The following ZEB1 variants were observed in gnomAD, a reference collection of about 807,000 sequenced individuals.
The protein encoded by ZEB1 is zinc finger E-box binding homeobox 1.
ZEB1 carries 21 observed loss-of-function variants against 84.9 expected under a neutral mutation model. The ratio of observed to expected loss-of-function variants is 0.25; its 90% CI spans 0.18 to 0.36. The LOEUF is 0.36. Among genes scored for constraint, ZEB1 ranks in the 10% least tolerant of loss-of-function variants. ZEB1 has a pLI of 1.00. For synonymous variants in ZEB1, 420 were observed against 471.1 expected, an observed-to-expected ratio of 0.89 and a Z score of 1.41; for missense variants, 1,104 against 1,330.2, an observed-to-expected ratio of 0.83 and a Z score of 2.65.
chr10:31,431,928 G>A (rs148816024), intron 1 of ZEB1, among the ~76,000 whole-genome samples: 36 of 152,280 alleles, frequency 2.4e-4, no homozygotes, highest in African/African-American at 8.4e-4. Context: ...TTTTAAACAC[G>A]TAAGAACAGA....
intron 2 of ZEB1, among the ~76,000 whole-genome samples, chr10:31,469,797 A>G (rs1433367404): frequency 1.3e-5 from 2 of 152,222 alleles, no homozygotes; most frequent in Admixed American, 6.5e-5. Context: ...TAACCTCTGC[A>G]GACTTAAATG....
chr10:31,328,060 A>G (rs903595655), intron 1 of ZEB1, among the ~76,000 whole-genome samples: 4 of 152,114 alleles, frequency 2.6e-5, no homozygotes, highest in African/African-American at 9.7e-5. Context: ...TGACTTTGGT[A>G]CAGGAATCCT....
chr10:31,327,099 C>CTTTTTTTTTTTTTTTTT (rs71527629), intron 1 of ZEB1, among the ~76,000 whole-genome samples: 43 of 84,922 alleles, frequency 5.1e-4, no homozygotes, highest in East Asian at 3.0e-3. Flanking sequence ...CTTTTCTTTT[C>CTTTTTTTTTTTTTTTTT]TTTTTTTTTT....
intron 7 of ZEB1, 25 bp downstream of exon 7, chr10:31,521,961 C>T: frequency 1.2e-6 from 2 of 1,613,900 alleles, no homozygotes; most frequent in Non-Finnish European, 8.5e-7. Flanking sequence ...CCATCCTGAA[C>T]CTGGCTAGTA....
chr10:31,370,544 A>G (rs1481675302), intron 1 of ZEB1, among the ~76,000 whole-genome samples: 1 of 152,234 alleles, frequency 6.6e-6, no homozygotes, highest in Non-Finnish European at 1.5e-5. Flanking sequence ...TATGTCTTAA[A>G]GCTAATAGTA....
At chr10:31,459,075 C>G (rs1441327429) in intron 1 of ZEB1, among the ~76,000 whole-genome samples, 1 of 151,942 alleles carries the variant, frequency 6.6e-6, no homozygotes, top group African/African-American at 2.4e-5. Context: ...TAACATGAAG[C>G]CTATGTTTTA....
chr10:31,440,149 G>A (rs1443535688), intron 1 of ZEB1, among the ~76,000 whole-genome samples: 1 of 152,096 alleles, frequency 6.6e-6, no homozygotes, highest in Non-Finnish European at 1.5e-5. Context: ...AAAAAGAGGA[G>A]TCAAAACTAT....
chr10:31,455,755 A>G (rs1206872541), intron 1 of ZEB1, among the ~76,000 whole-genome samples: 2 of 152,146 alleles, frequency 1.3e-5, no homozygotes, highest in African/African-American at 2.4e-5. Context: ...AAGTCAGGAA[A>G]CAACAGGTGC....
At chr10:31,384,884 T>A (rs1231402040) in intron 1 of ZEB1, among the ~76,000 whole-genome samples, 1 of 152,204 alleles carries the variant, frequency 6.6e-6, no homozygotes, top group Non-Finnish European at 1.5e-5. Flanking sequence ...GATTTCCAAC[T>A]TTGGGTTGGT....
intron 3 of ZEB1, among the ~76,000 whole-genome samples, chr10:31,496,639 G>C (rs953439291): frequency 1.3e-5 from 2 of 151,958 alleles, no homozygotes; most frequent in Admixed American, 1.3e-4. Flanking sequence ...ATACTTAAAC[G>C]TAGTGTAATT....
chr10:31,521,110 T>C lies in ZEB1; in HGVS notation c.1778T>C (p.Leu593Pro), dbSNP rs375798509. 1.9e-5 allele frequency: 30 copies of C among 1,613,962 alleles called. No individual in the cohort carries two copies. In the African/African-American group the frequency reaches 3.2e-4, roughly 17 times the overall value. Reference protein sequence around the residue: ...LSPSQPPLKNLLSLLKAYYAL... With the variant: ...LSPSQPPLKNPLSLLKAYYAL... ...CCTAGTCAGCCACCTTTAAAGAACC[T>C]CTTGTCTCTCCTAAAAGCATATTAT... The change falls in exon 7 of 9, where the codon CTC becomes CCC. Residue 593 changes from leucine to proline, a missense_variant. Leu to Pro is a moderately conservative substitution (Grantham distance 98). Around this residue, in one of 7 missense-constraint regions of ZEB1, gnomAD observed 531 missense variants for 575.2 expected, o/e 0.92. Transcript: ENST00000424869.
rs1361082238 is a variant in ZEB1, at chr10:31,458,319, GTGTGTGTGTGTGTGTGT to G, written c.59-2700_59-2684del. Among the ~76,000 whole-genome samples, 736 of 123,396 alleles carry G rather than the reference GTGTGTGTGTGTGTGTGT, an allele frequency of 6.0e-3. 6 individuals carry two copies. Among genetic ancestry groups the G allele is most frequent in the African/African-American group, 0.041 (666 of 16,300 alleles). The allele number at this position is 123,396 out of a possible 152,430, so 81.0% of individuals were successfully genotyped here. A position where few individuals can be genotyped will look rare whatever the true frequency, so the allele number is the denominator to read the frequency against. ...CAGTAAGCATCTCCATTCCGTGTGT[GTGTGTGTGTGTGTGTGT>G]TGTGTGTGTGTGTGTGTGTGTGTGT... On this transcript the variant is annotated intron_variant, in intron 1 of 8. Coordinates refer to ENST00000424869, the MANE Select transcript of ZEB1 (RefSeq NM_001174096.2).
chr10:31,473,211 C>T (rs1312780281), intron 2 of ZEB1, among the ~76,000 whole-genome samples: 4 of 150,994 alleles, frequency 2.6e-5, no homozygotes, highest in Non-Finnish European at 5.9e-5. Flanking sequence ...CTGGCCAGGG[C>T]AATTAGGCAG....
At chr10:31,321,266 A>G in intron 1 of ZEB1, 1 of 1,304,872 alleles carries the variant, frequency 7.7e-7, no homozygotes, top group Non-Finnish European at 9.8e-7. Context: ...GTTTCCTTCC[A>G]ATCCATAATT....
chr10:31,398,207 ACATTTG>A (rs1182188951), intron 1 of ZEB1, among the ~76,000 whole-genome samples: 2 of 152,282 alleles, frequency 1.3e-5, no homozygotes, highest in South Asian at 4.1e-4. Context: ...GCAAAAGAAA[ACATTTG>A]TACCTGTTAA....
rs2072087181 is a variant in ZEB1, at chr10:31,520,515, G to A, written c.1183G>A (p.Val395Ile). ...TSSPQGMVQA[V>I]VLPTVGLVSP... Reference sequence around the variant, plus strand: ...TTCTCCTCAGGGCATGGTGCAAGCTGTTGTTCTGCCAACAGTTGGTTTGGT... The same window carrying A: ...TTCTCCTCAGGGCATGGTGCAAGCTATTGTTCTGCCAACAGTTGGTTTGGT... The change falls in exon 7 of 9, where the codon GTT (valine) becomes ATT (isoleucine). Residue 395 changes from valine to isoleucine, a missense_variant. This residue lies in a region of ZEB1 where 111 missense variants were observed against 161.8 expected (regional missense o/e 0.69). Coordinates refer to ENST00000424869, the MANE Select transcript of ZEB1 (RefSeq NM_001174096.2). The surrounding 1 kb of genome is among the most constrained non-coding windows in gnomAD (Gnocchi z 5.1). The A allele has an allele frequency of 1.9e-6, 3 of 1,613,668 alleles. No homozygotes were observed. The highest frequency in any genetic ancestry group is 1.7e-5 in the Admixed American group (1 of 59,990).
At chr10:31,497,139 A>G (rs2067355970) in intron 3 of ZEB1, among the ~76,000 whole-genome samples, 1 of 151,472 alleles carries the variant, frequency 6.6e-6, no homozygotes, top group African/African-American at 2.4e-5. Context: ...ATTTGTTAGT[A>G]GTAATACAGT....
intron 1 of ZEB1, among the ~76,000 whole-genome samples, chr10:31,445,133 C>G (rs1166109098): frequency 2.2e-5 from 3 of 136,492 alleles, no homozygotes; most frequent in African/African-American, 7.4e-5. Context: ...TCCTTCACGT[C>G]CCTTGTAAGT....
At chr10:31,349,300 TTC>T (rs1247517817) in intron 1 of ZEB1, among the ~76,000 whole-genome samples, 1 of 152,346 alleles carries the variant, frequency 6.6e-6, no homozygotes, top group Middle Eastern at 3.4e-3. Context: ...GTATACTACA[TTC>T]TCTCTATCAG....
Sources: gnomAD v4.1 joint callset for allele counts (sites outside exome capture counted in the v4.1 genomes callset) on GRCh38, gnomAD v4.1.1 for gene constraint, gnomAD v4.1.1 regional missense constraint, Gnocchi (gnomAD v3.1) non-coding constraint, MANE v1.5 for transcripts, NCBI Gene and HGNC (gene_info 2026-07-23, HGNC 2026-07-21) for gene names.